Variants in IMMT observed in about 807,000 individuals in gnomAD.
IMMT encodes inner membrane mitochondrial protein.
A neutral mutation model predicts 92.7 loss-of-function variants in IMMT; 40 were observed. That is an observed-to-expected ratio of 0.43 (90% confidence interval 0.34 to 0.56). The LOEUF (loss-of-function observed/expected upper bound fraction) is 0.56, where lower values mean the gene tolerates loss of function less well. Among genes scored for constraint, IMMT ranks in the 20% least tolerant of loss-of-function variants. The pLI, the probability that IMMT is intolerant of heterozygous loss-of-function variation, is 0.03. For synonymous variants in IMMT, 322 were observed against 336.1 expected, an observed-to-expected ratio of 0.96 and a Z score of 0.46; for missense variants, 831 against 912.1, an observed-to-expected ratio of 0.91 and a Z score of 1.14.
chr2:86,144,182 T>G lies in IMMT; in HGVS notation c.*86A>C. 1 of 1,448,426 alleles carries G rather than the reference T, an allele frequency of 6.9e-7. No individual in the cohort carries two copies. Among genetic ancestry groups the G allele is most frequent in the Non-Finnish European group, 9.4e-7 (1 of 1,058,938 alleles). The allele number at this position is 1,448,426 out of a possible 1,614,324, so 89.7% of individuals were successfully genotyped here. A position where few individuals can be genotyped will look rare whatever the true frequency, so the allele number is the denominator to read the frequency against. ...GTAAACCTGCTCATTTCTAGACAAG[T>G]CCGGGACTCTCGCTGCGAACCCTTC... On this transcript the variant is annotated 3_prime_UTR_variant, in exon 15 of 15. Coordinates refer to ENST00000410111, the MANE Select transcript of IMMT (RefSeq NM_006839.3).
At chr2:86,188,073 CTT>C (rs528203160) in intron 1 of IMMT, among the ~76,000 whole-genome samples, 28 of 152,020 alleles carry the variant, frequency 1.8e-4, no homozygotes, top group African/African-American at 4.6e-4. Flanking sequence ...GAGTTTTGCT[CTT>C]GTCGCCCAGG....
At chr2:86,181,489 CTTT>C (rs1461972172) in intron 1 of IMMT, 117 bp from the exon 2 acceptor site, 3 of 710,458 alleles carry the variant, frequency 4.2e-6, no homozygotes, top group Admixed American at 2.5e-5. Context: ...CAAAAAATTA[CTTT>C]TTTTCAGAAG....
chr2:86,144,572 T>G lies in IMMT; in HGVS notation c.1973A>C (p.Tyr658Ser). The G allele has an allele frequency of 6.2e-7, 1 of 1,613,994 alleles. No homozygotes were observed. The highest frequency in any genetic ancestry group is 1.7e-5 in the Admixed American group (1 of 60,014). Residue 658 changes from tyrosine to serine, a missense_variant, in exon 15 of 15, where the codon TAC (tyrosine) becomes TCC (serine). Tyr to Ser is a moderately radical substitution (Grantham distance 144). Coordinates refer to ENST00000410111, the MANE Select transcript of IMMT (RefSeq NM_006839.3). ...CAGGGACTGTAGGTAGGAGAGGAAG[T>G]ACTGGTACAAGCTATTTCTGGTTTC... The part of the protein sequence containing the change: ...IDETRNSLYQ[Y>S]FLSYLQSLLL...
chr2:86,153,304 T>TAC (rs10572745), intron 11 of IMMT, among the ~76,000 whole-genome samples: 11,240 of 143,806 alleles, frequency 0.078, 485 homozygotes, highest in East Asian at 0.16. Flanking sequence ...CAATCCATAT[T>TAC]ACACACACAC....
chr2:86,173,364 T>G (rs942615543), intron 4 of IMMT: 3 of 327,708 alleles, frequency 9.2e-6, no homozygotes, highest in Non-Finnish European at 1.7e-5. Context: ...GCAGATCACC[T>G]GAGAGCGGGA....
chr2:86,179,516 C>A lies in IMMT; in HGVS notation c.226G>T (p.Glu76Ter). 3.7e-6 allele frequency: 6 copies of A among 1,613,410 alleles called. No individual in the cohort carries two copies. The highest frequency in any genetic ancestry group is 5.1e-6 in the Non-Finnish European group (6 of 1,179,658). ...KWDSHFRESV[E>*]KTIPYSDKLF... ...TTGTCTGAGTAAGGTATGGTTTTCT[C>A]TACACTTTCCCGGAAATGGGAATCC... The change falls in exon 3 of 15, where the codon GAG (glutamate) becomes TAG (stop). Residue 76 changes from glutamate (E) to a stop codon, truncating the protein, a stop_gained. Coordinates refer to ENST00000410111, the MANE Select transcript of IMMT (RefSeq NM_006839.3). LOFTEE classifies it high-confidence loss of function.
intron 13 of IMMT, among the ~76,000 whole-genome samples, chr2:86,147,041 G>A (rs1360113556): frequency 6.6e-6 from 1 of 152,192 alleles, no homozygotes; most frequent in Non-Finnish European, 1.5e-5. Context: ...GATTATAGGT[G>A]TTAGCCACTG....
chr2:86,158,423 T>C, intron 10 of IMMT, 169 bp downstream of exon 10: 1 of 486,962 alleles, frequency 2.1e-6, no homozygotes, highest in South Asian at 2.9e-5. Flanking sequence ...AAGAGTAGTG[T>C]TGCAGCTGTG....
intron 4 of IMMT, among the ~76,000 whole-genome samples, chr2:86,173,035 G>C (rs994921960): frequency 1.3e-5 from 2 of 152,102 alleles, no homozygotes; most frequent in African/African-American, 4.8e-5. Flanking sequence ...TGTTTCCCCA[G>C]TACTTACAAG....
At chr2:86,144,998 A>G in intron 14 of IMMT, 117 bp from the exon 15 acceptor site, 1 of 1,232,786 alleles carries the variant, frequency 8.1e-7, no homozygotes, top group Non-Finnish European at 1.1e-6. Context: ...GAGGCCAGAG[A>G]GACTTTCTTA....
At chr2:86,152,759 C>A (rs1341252339) in intron 11 of IMMT, among the ~76,000 whole-genome samples, 2 of 148,224 alleles carry the variant, frequency 1.3e-5, no homozygotes. Flanking sequence ...GACCTTGTCT[C>A]AAAAAAAAAA....
intron 3 of IMMT, among the ~76,000 whole-genome samples, chr2:86,177,066 G>C (rs1347862103): frequency 6.6e-6 from 1 of 152,190 alleles, no homozygotes; most frequent in Non-Finnish European, 1.5e-5. Context: ...CAGGGAGGAA[G>C]TTGGATGACA....
intron 3 of IMMT, among the ~76,000 whole-genome samples, chr2:86,175,404 T>C (rs1677367607): frequency 6.6e-6 from 1 of 152,112 alleles, no homozygotes; most frequent in African/African-American, 2.4e-5. Flanking sequence ...GTATGTCATA[T>C]ATATTTGGTA....
intron 1 of IMMT, among the ~76,000 whole-genome samples, chr2:86,190,979 T>A (rs976409130): frequency 1.3e-5 from 2 of 151,116 alleles, no homozygotes; most frequent in African/African-American, 4.9e-5. Context: ...AAGAATAAGG[T>A]AGATACTATC....
rs527824042 is a variant in IMMT, at chr2:86,173,753, C to T, written c.318G>A (p.Ser106=). 1.9e-5 allele frequency: 30 copies of T among 1,554,846 alleles called. No homozygotes were observed. The Admixed American group carries it at 3.5e-4, about 18-fold the overall frequency. The change falls in exon 4 of 15, where the codon TCG becomes TCA. Residue 106 remains serine (S), a synonymous_variant. Transcript: ENST00000410111. Reference sequence around the variant, plus strand: ...ATACACTAGAGATTTTTAGTGGACCCGACTGAATCTTGGAAATAAAAAACA... The same window carrying T: ...ATACACTAGAGATTTTTAGTGGACCTGACTGAATCTTGGAAATAAAAAACA... ...NVPLPKKSIQ[S]GPLKISSVSE... is the part of the protein sequence containing the mutation.
At chr2:86,171,876 T>C (rs1677113988) in intron 4 of IMMT, among the ~76,000 whole-genome samples, 1 of 147,288 alleles carries the variant, frequency 6.8e-6, no homozygotes, top group African/African-American at 2.5e-5. Flanking sequence ...TTTGCACACT[T>C]TGGGAGGCCA....
Position 86,144,054 on chromosome 2 carries a change from A to G in IMMT, c.*214T>C. 1.6e-6 allele frequency: 1 copy of G among 608,412 alleles called. No individual in the cohort carries two copies. Among genetic ancestry groups the G allele is most frequent in the Non-Finnish European group, 2.9e-6 (1 of 349,388 alleles). 37.7% of individuals were successfully genotyped at this position (608,412 alleles called of 1,614,324 possible). ...ATCAGTAAAACCTGAAAAAACAGAA[A>G]ATGTTACACAAGTTGCAAAGAAAGC... is the stretch of plus-strand genomic sequence containing the variant. On this transcript the variant is annotated 3_prime_UTR_variant, in exon 15 of 15. Coordinates refer to ENST00000410111, the MANE Select transcript of IMMT (RefSeq NM_006839.3).
At chr2:86,153,688 G>C in intron 10 of IMMT, 114 bp from the exon 11 acceptor site, 1 of 557,074 alleles carries the variant, frequency 1.8e-6, no homozygotes, top group Non-Finnish European at 3.1e-6. Flanking sequence ...ACTAGTACCA[G>C]GAAAAGCTAT....
In IMMT at chr2:86,179,480, T is replaced by C. The variant is rs1445255248; in HGVS notation, c.262A>G (p.Met88Val). The change falls in exon 3 of 15, where the codon ATG becomes GTG. Residue 88 changes from methionine to valine, a missense_variant. Coordinates refer to ENST00000410111, the MANE Select transcript of IMMT (RefSeq NM_006839.3). ...TTATAAGCTGCAGGACCAAGAACCA[T>C]CTCGAAGAGTTTGTCTGAGTAAGGT... is the stretch of plus-strand genomic sequence containing the variant. ...TIPYSDKLFEMVLGPAAYNVP... is the reference protein window; with the variant it reads ...TIPYSDKLFEVVLGPAAYNVP... The C allele has an allele frequency of 1.2e-6, 2 of 1,612,554 alleles. No homozygotes were observed. Among genetic ancestry groups the C allele is most frequent in the East Asian group, 4.5e-5 (2 of 44,782 alleles).
Sources: allele counts gnomAD v4.1 joint callset (sites outside exome capture counted in the v4.1 genomes callset), GRCh38; gene constraint gnomAD v4.1.1; transcripts MANE v1.5; gene names NCBI Gene and HGNC (gene_info 2026-07-23, HGNC 2026-07-21).